Variants in VAV3 observed in about 807,000 individuals in gnomAD.
The protein encoded by VAV3 is vav guanine nucleotide exchange factor 3, also known as guanine nucleotide exchange factor VAV3.
Under a neutral mutation model 131.2 loss-of-function variants are expected in VAV3, and 94 were observed. The observed-to-expected ratio is 0.72, with a 90% CI of 0.61 to 0.85. The LOEUF is 0.85. VAV3 is among the 40% of genes least tolerant of loss of function. The pLI is 0.00. For missense variants in VAV3, 939 were observed against 1,002.7 expected (o/e 0.94, Z 0.86); for synonymous variants, 349 against 342.0 (o/e 1.02, Z -0.22).
chr1:107,742,305 A>G (rs977384428), intron 15 of VAV3, among the ~76,000 whole-genome samples: 4 of 152,138 alleles, frequency 2.6e-5, no homozygotes, highest in African/African-American at 9.7e-5. Context: ...CAACAAAAAT[A>G]TGATACTGTG....
At chr1:107,953,105 C>G (rs548315582) in intron 1 of VAV3, among the ~76,000 whole-genome samples, 9 of 152,256 alleles carry the variant, frequency 5.9e-5, no homozygotes, top group Admixed American at 5.2e-4. Context: ...CTGAATTTGG[C>G]AGCAGGAACG....
At chr1:107,723,383 A>G (rs1348525155) in intron 15 of VAV3, among the ~76,000 whole-genome samples, 1 of 151,962 alleles carries the variant, frequency 6.6e-6, no homozygotes, top group Non-Finnish European at 1.5e-5. Context: ...TTCCCACACA[A>G]ATAGGGAACA....
At chr1:107,646,318 G>A (rs530082220) in intron 19 of VAV3, among the ~76,000 whole-genome samples, 1 of 152,048 alleles carries the variant, frequency 6.6e-6, no homozygotes, top group South Asian at 2.1e-4. Context: ...GGAAAATACA[G>A]ACCCAACAAT....
chr1:107,759,448 G>A (rs1028798907), intron 10 of VAV3, among the ~76,000 whole-genome samples: 2 of 151,972 alleles, frequency 1.3e-5, no homozygotes, highest in Non-Finnish European at 2.9e-5. Flanking sequence ...AAGTGATTTC[G>A]CCACTAAAGT....
rs112951600 is a variant in VAV3 at position 107,947,640 on chromosome 1, C to T, written c.204+17026G>A. On this transcript the variant is annotated intron_variant, in intron 1 of 26. Transcript: ENST00000370056. ...TAAGGAATTTGCCCACAGCCATTCACCTAATGGTGCATGAGTTGAACCGAG... is the reference window on the plus strand; with the variant it reads ...TAAGGAATTTGCCCACAGCCATTCATCTAATGGTGCATGAGTTGAACCGAG... Among the ~76,000 whole-genome samples the T allele has an allele frequency of 2.3e-3, 348 of 152,268 alleles. 1 individual carries two copies. Among genetic ancestry groups the T allele is most frequent in the African/African-American group, 8.0e-3 (332 of 41,534 alleles).
At chr1:107,677,960 C>T (rs12046073) in intron 19 of VAV3, 3 of 151,964 alleles carry the variant, frequency 2.0e-5, no homozygotes, top group South Asian at 4.1e-4. Flanking sequence ...CCTCCTCCAA[C>T]CAAGAAAGAT....
At chr1:107,952,937 T>TA (rs1044670755) in intron 1 of VAV3, among the ~76,000 whole-genome samples, 1 of 152,184 alleles carries the variant, frequency 6.6e-6, no homozygotes, top group Non-Finnish European at 1.5e-5. Flanking sequence ...CTAATCAGAC[T>TA]AAAAAATAAC....
At chr1:107,637,190 GAAT>G (rs1654994325) in intron 20 of VAV3, among the ~76,000 whole-genome samples, 1 of 152,006 alleles carries the variant, frequency 6.6e-6, no homozygotes, top group African/African-American at 2.4e-5. Context: ...GAAATATTAT[GAAT>G]AAAAATTCAT....
intron 19 of VAV3, among the ~76,000 whole-genome samples, chr1:107,647,193 TC>T (rs1322918952): frequency 8.0e-5 from 12 of 150,028 alleles, no homozygotes; most frequent in Non-Finnish European, 1.0e-4. Flanking sequence ...GCAATGGGCT[TC>T]CCCGAGGCAA....
At chr1:107,599,377 A>G (rs1186367911) in intron 24 of VAV3, among the ~76,000 whole-genome samples, 1 of 152,180 alleles carries the variant, frequency 6.6e-6, no homozygotes, top group East Asian at 1.9e-4. Context: ...AGTAAATAAG[A>G]AGACTCTAAA....
intron 19 of VAV3, among the ~76,000 whole-genome samples, chr1:107,663,312 G>A (rs921680800): frequency 2.0e-5 from 3 of 152,066 alleles, no homozygotes; most frequent in Non-Finnish European, 4.4e-5. Context: ...ACTTTATAAT[G>A]AAAGAAAGAT....
chr1:107,676,932 A>G (rs770281680), intron 19 of VAV3, among the ~76,000 whole-genome samples: 1 of 152,192 alleles, frequency 6.6e-6, no homozygotes, highest in Non-Finnish European at 1.5e-5. Context: ...TTAACTCTCC[A>G]GCAAAATTCC....
At chr1:107,594,019 C>T (rs1259922611) in intron 25 of VAV3, among the ~76,000 whole-genome samples, 2 of 152,120 alleles carry the variant, frequency 1.3e-5, no homozygotes, top group Non-Finnish European at 1.5e-5. Flanking sequence ...TAACTTTATA[C>T]AAAGTTAGTA....
chr1:107,865,717 G>C (rs947308417), intron 2 of VAV3, among the ~76,000 whole-genome samples: 1 of 152,118 alleles, frequency 6.6e-6, no homozygotes, highest in African/African-American at 2.4e-5. Flanking sequence ...AGTTAGATAG[G>C]CAAGAGTGGA....
chr1:107,834,680 A>T (rs572645869), intron 2 of VAV3, among the ~76,000 whole-genome samples: 4 of 151,646 alleles, frequency 2.6e-5, no homozygotes, highest in African/African-American at 9.7e-5. Flanking sequence ...AATATTGAGT[A>T]AACCAACATA....
intron 13 of VAV3, 44 bp downstream of exon 13, chr1:107,751,073 G>A: frequency 6.4e-7 from 1 of 1,560,264 alleles, no homozygotes; most frequent in Non-Finnish European, 8.7e-7. Context: ...TCAGTTTTCT[G>A]ACACTAATTA....
chr1:107,704,458 A>T, intron 17 of VAV3, 92 bp downstream of exon 17: 1 of 891,174 alleles, frequency 1.1e-6, no homozygotes. Flanking sequence ...TGTTACAATA[A>T]ACACATATTC....
intron 1 of VAV3, among the ~76,000 whole-genome samples, chr1:107,894,930 G>C (rs1363085520): frequency 6.6e-6 from 1 of 152,184 alleles, no homozygotes. Flanking sequence ...CTATCAGGCA[G>C]TCATGTTTGC....
chr1:107,607,299 C>A (rs1652357574), intron 22 of VAV3, among the ~76,000 whole-genome samples: 1 of 152,072 alleles, frequency 6.6e-6, no homozygotes, highest in Non-Finnish European at 1.5e-5. Flanking sequence ...GGGAAACACC[C>A]AAAGGTCTGG....
Sources: gnomAD v4.1 joint callset for allele counts (sites outside exome capture counted in the v4.1 genomes callset) on GRCh38, gnomAD v4.1.1 for gene constraint, MANE v1.5 for transcripts, NCBI Gene and HGNC (gene_info 2026-07-23, HGNC 2026-07-21) for gene names.